PBX1: variants seen among roughly 807,000 people sequenced by gnomAD.
The protein encoded by PBX1 is pre-B-cell leukemia transcription factor 1.
Under a neutral mutation model 53.4 loss-of-function variants are expected in PBX1, and 6 were observed. The observed-to-expected ratio is 0.11, with a 90% CI of 0.06 to 0.22. PBX1 has a LOEUF of 0.22. Ranked by LOEUF, PBX1 falls within the 10% of genes least tolerant of loss-of-function variation. PBX1 has a pLI of 1.00. For missense variants in PBX1, 251 were observed against 551.4 expected, an observed-to-expected ratio of 0.46 and a Z score of 5.46; for synonymous variants, 204 against 212.3, an observed-to-expected ratio of 0.96 and a Z score of 0.34.
chr1:164,750,787 G>A (rs1666169563), intron 2 of PBX1, among the ~76,000 whole-genome samples: 2 of 152,190 alleles, frequency 1.3e-5, no homozygotes, highest in Admixed American at 1.3e-4. Flanking sequence ...CCTGCATTCA[G>A]ATTTGTCTTC....
chr1:164,776,082 G>A (rs748417164), intron 2 of PBX1, among the ~76,000 whole-genome samples: 77 of 152,030 alleles, frequency 5.1e-4, no homozygotes, highest in Admixed American at 3.8e-3. Context: ...TTCTGTGACC[G>A]TTACCTGTCT....
chr1:164,670,029 A>G (rs1039709917), intron 2 of PBX1, among the ~76,000 whole-genome samples: 1 of 152,144 alleles, frequency 6.6e-6, no homozygotes, highest in Non-Finnish European at 1.5e-5. Flanking sequence ...CCAGCTCACA[A>G]TATTTCCTCC....
At chr1:164,631,106 T>G (rs1204264221) in intron 2 of PBX1, 6 of 152,184 alleles carry the variant, frequency 3.9e-5, no homozygotes, top group African/African-American at 1.4e-4. Flanking sequence ...TGCTCCTTCT[T>G]TTTCTTGCAG....
intron 2 of PBX1, among the ~76,000 whole-genome samples, chr1:164,627,106 A>G (rs1401844700): frequency 6.6e-6 from 1 of 152,164 alleles, no homozygotes; most frequent in East Asian, 1.9e-4. Context: ...TGTATTACTA[A>G]TGCCTTGACA....
chr1:164,624,372 A>AGT (rs1657900000), intron 2 of PBX1, among the ~76,000 whole-genome samples: 1 of 152,222 alleles, frequency 6.6e-6, no homozygotes. Context: ...ACATTTTGAT[A>AGT]GTATTGGTAG....
At chr1:164,605,077 G>C (rs1025126144) in intron 2 of PBX1, 4 of 152,112 alleles carry the variant, frequency 2.6e-5, no homozygotes, top group African/African-American at 7.2e-5. Flanking sequence ...AATAGGCCTA[G>C]TCCAGGGTAT....
intron 5 of PBX1, 78 bp from the exon 6 acceptor site, chr1:164,811,912 A>G (rs1571453355): frequency 9.2e-6 from 12 of 1,306,898 alleles, no homozygotes; most frequent in Non-Finnish European, 1.3e-5. Context: ...CACCTCTCCC[A>G]TAAAGCCTTT....
chr1:164,674,230 G>GT (rs1661292795), intron 2 of PBX1, among the ~76,000 whole-genome samples: 1 of 152,082 alleles, frequency 6.6e-6, no homozygotes, highest in African/African-American at 2.4e-5. Flanking sequence ...ACAGGTTCCC[G>GT]TTTGCAACAT....
At chr1:164,655,236 C>G (rs1284441445) in intron 2 of PBX1, among the ~76,000 whole-genome samples, 1 of 152,008 alleles carries the variant, frequency 6.6e-6, no homozygotes, top group Non-Finnish European at 1.5e-5. Context: ...GCCTCAGCCT[C>G]CCAAGTAGCT....
At chr1:164,622,168 A>G (rs904310744) in intron 2 of PBX1, among the ~76,000 whole-genome samples, 1 of 152,176 alleles carries the variant, frequency 6.6e-6, no homozygotes, top group Non-Finnish European at 1.5e-5. Flanking sequence ...AGTGATCACT[A>G]GGTAGGAGAA....
intron 2 of PBX1, chr1:164,674,904 T>TA (rs1661348422): frequency 7.6e-6 from 1 of 131,124 alleles, no homozygotes; most frequent in Non-Finnish European, 1.6e-5. Context: ...GGAATGATGT[T>TA]ATGATTTTAT....
At chr1:164,783,056 C>T (rs1235423476) in intron 2 of PBX1, among the ~76,000 whole-genome samples, 2 of 152,146 alleles carry the variant, frequency 1.3e-5, no homozygotes, top group South Asian at 2.1e-4. Context: ...TACTTCAGAA[C>T]TAAGTGGTTC....
chr1:164,634,964 T>G (rs1658653891), intron 2 of PBX1, among the ~76,000 whole-genome samples: 1 of 152,050 alleles, frequency 6.6e-6, no homozygotes, highest in South Asian at 2.1e-4. Flanking sequence ...GTTGCCTGCC[T>G]GTAGAGATGG....
chr1:164,876,123 T>C (rs912005783), intron 2 of PBX1, among the ~76,000 whole-genome samples: 1 of 151,348 alleles, frequency 6.6e-6, no homozygotes, highest in Non-Finnish European at 1.5e-5. Flanking sequence ...GAATATTCCA[T>C]TAGTGAGTAG....
Position 164,776,942 on chromosome 1 carries a change from G to GAGAGA in PBX1, c.266-15552_266-15551insAGAGA, listed in dbSNP as rs749459325. On this transcript the variant is annotated intron_variant, in intron 2 of 8. Transcript: ENST00000420696. Reference sequence around the variant, plus strand: ...GTGTGTGTGTGTGTGTGTGGTGGGAGGAGAGAGAGAGAGAGAGAGAGAGAG... The same window carrying GAGAGA: ...GTGTGTGTGTGTGTGTGTGGTGGGAGAGAGAGAGAGAGAGAGAGAGAGAGAGAGAG... 3.1e-3 allele frequency among the ~76,000 whole-genome samples: 134 copies of GAGAGA among 43,550 alleles called. 2 individuals are homozygous for GAGAGA. Among genetic ancestry groups the GAGAGA allele is most frequent in the East Asian group, 6.5e-3 (9 of 1,388 alleles). The allele number at this position is 43,550 out of a possible 152,430, so 28.6% of individuals were successfully genotyped here. A position where few individuals can be genotyped will look rare whatever the true frequency, so the allele number is the denominator to read the frequency against.
At chr1:164,729,993 G>T (rs1483349722) in intron 2 of PBX1, among the ~76,000 whole-genome samples, 1 of 152,168 alleles carries the variant, frequency 6.6e-6, no homozygotes, top group Non-Finnish European at 1.5e-5. Flanking sequence ...AACAGACTTA[G>T]TTTCTAAACC....
At chr1:164,882,454 C>T (rs74118240) in intron 2 of PBX1, among the ~76,000 whole-genome samples, 7 of 152,130 alleles carry the variant, frequency 4.6e-5, no homozygotes, top group East Asian at 1.9e-4. Flanking sequence ...ATTGTCCATA[C>T]GTAAGTTCAT....
chr1:164,571,940 G>T (rs1476999007), intron 2 of PBX1, among the ~76,000 whole-genome samples: 1 of 103,320 alleles, frequency 9.7e-6, no homozygotes, highest in Admixed American at 1.3e-4. Context: ...TTTTTAAGAT[G>T]GTGTGTCCCA....
intron 2 of PBX1, among the ~76,000 whole-genome samples, chr1:164,738,132 A>G (rs1211675943): frequency 6.6e-6 from 1 of 152,120 alleles, no homozygotes; most frequent in Non-Finnish European, 1.5e-5. Flanking sequence ...ATAGACCACA[A>G]TGTGTTTCTT....
Sources: gnomAD v4.1 joint callset for allele counts (sites outside exome capture counted in the v4.1 genomes callset) on GRCh38, gnomAD v4.1.1 for gene constraint, MANE v1.5 for transcripts, NCBI Gene and HGNC (gene_info 2026-07-23, HGNC 2026-07-21) for gene names.